Variants in TRAPPC8 observed in about 807,000 individuals in gnomAD.
TRAPPC8 encodes the protein trafficking protein particle complex subunit 8, also known as general sporulation gene 1 homolog.
TRAPPC8 carries 54 observed loss-of-function variants against 174.3 expected under a neutral mutation model. The observed-to-expected ratio is 0.31, with a 90% CI of 0.25 to 0.39. The LOEUF (loss-of-function observed/expected upper bound fraction) is 0.39. Ranked by LOEUF, TRAPPC8 falls within the 10% of genes least tolerant of loss-of-function variation. TRAPPC8 has a pLI of 1.00. For missense variants in TRAPPC8, 1,531 were observed against 1,699.1 expected (o/e 0.90, Z 1.74); for synonymous variants, 630 against 579.9 (o/e 1.09, Z -1.24).
At chr18:31,897,606 A>T (rs990722149) in intron 11 of TRAPPC8, among the ~76,000 whole-genome samples, 180 bp downstream of exon 11, 10 of 152,224 alleles carry the variant, frequency 6.6e-5, no homozygotes, top group African/African-American at 2.4e-4. Flanking sequence ...AACTTAATTT[A>T]TAAAAAATTA....
chr18:31,915,739 T>C lies in TRAPPC8; in HGVS notation c.617+533A>G, dbSNP rs573404835. Among the ~76,000 whole-genome samples the C allele has an allele frequency of 9.2e-5, 14 of 151,648 alleles. No individual in the cohort carries two copies. The East Asian group carries it at 2.7e-3, about 30-fold the overall frequency. ...CTCTACTAAAAAAAATACAAAAAAT[T>C]AGCCAGGTGCAGTGGCGGGCGCCTG... is the stretch of plus-strand genomic sequence containing the variant. On this transcript the variant is annotated intron_variant, in intron 4 of 28. Transcript: ENST00000283351.
At chr18:31,900,825 A>G (rs1334768881) in intron 10 of TRAPPC8, 100 bp downstream of exon 10, 6 of 869,068 alleles carry the variant, frequency 6.9e-6, no homozygotes, top group East Asian at 5.4e-5. Flanking sequence ...GTCTCCGACT[A>G]TATTAACTTG....
At chr18:31,928,079 C>T (rs2037694345) in intron 2 of TRAPPC8, among the ~76,000 whole-genome samples, 1 of 138,364 alleles carries the variant, frequency 7.2e-6, no homozygotes, top group African/African-American at 2.6e-5. Flanking sequence ...TCGTGTGAAC[C>T]CAGGGGGAAG....
At position 31,874,342 on chromosome 18, in the gene TRAPPC8, C is replaced by G. The variant is rs895984312; in HGVS notation, c.1953+138G>C. 1.0e-5 allele frequency: 9 copies of G among 880,128 alleles called. No individual in the cohort carries two copies. The African/African-American group carries it at 1.4e-4, about 13-fold the overall frequency. The allele number at this position is 880,128 out of a possible 1,614,324, so 54.5% of individuals were successfully genotyped here. On this transcript the variant is annotated intron_variant, in intron 13 of 28. Coordinates refer to ENST00000283351, the MANE Select transcript of TRAPPC8 (RefSeq NM_014939.5). Reference sequence around the variant, plus strand: ...GTAACCAAGATCTATAGCCAAAAAGCCTAGCCTGCCACAGCTTTTTTATGA... The same window carrying G: ...GTAACCAAGATCTATAGCCAAAAAGGCTAGCCTGCCACAGCTTTTTTATGA...
chr18:31,899,396 T>A (rs1343961572), intron 10 of TRAPPC8, among the ~76,000 whole-genome samples: 1 of 152,126 alleles, frequency 6.6e-6, no homozygotes, highest in African/African-American at 2.4e-5. Context: ...TCAAAAAATG[T>A]TTATTATTAT....
chr18:31,850,913 T>A lies in TRAPPC8; in HGVS notation c.3562-1174A>T, dbSNP rs568107242. Among the ~76,000 whole-genome samples the A allele has an allele frequency of 8.4e-4, 127 of 151,544 alleles. No individual in the cohort carries two copies. The South Asian group carries it at 0.013, about 16-fold the overall frequency. Reference sequence around the variant, plus strand: ...GATTTTAAAAGTTTTTAAAGAAATTTAAAAAAAAATAACTAAAGTCCTGAA... The same window carrying A: ...GATTTTAAAAGTTTTTAAAGAAATTAAAAAAAAAATAACTAAAGTCCTGAA... On this transcript the variant is annotated intron_variant, in intron 24 of 28. Coordinates refer to ENST00000283351, the MANE Select transcript of TRAPPC8 (RefSeq NM_014939.5).
chr18:31,852,381 C>G lies in TRAPPC8; in HGVS notation c.3561+65G>C. On this transcript the variant is annotated intron_variant, in intron 24 of 28. Coordinates refer to ENST00000283351, the MANE Select transcript of TRAPPC8 (RefSeq NM_014939.5). The stretch of plus-strand genomic sequence containing the variant: ...TGGGAATTACTGCGATAAGCCTTGC[C>G]AAAAATACCCAGATATGCTATAACT... 5 of 1,583,076 alleles carry G rather than the reference C, an allele frequency of 3.2e-6. No homozygotes were observed. In the South Asian group the frequency reaches 5.7e-5, roughly 18 times the overall value.
chr18:31,908,547 T>C lies in TRAPPC8; in HGVS notation c.1123-129A>G, dbSNP rs931469151. 135 of 867,992 alleles carry C rather than the reference T, an allele frequency of 1.6e-4. No individual in the cohort carries two copies. In the Middle Eastern group the frequency reaches 1.8e-3, roughly 12 times the overall value. 53.8% of individuals were successfully genotyped at this position (867,992 alleles called of 1,614,324 possible). A position where few individuals can be genotyped will look rare whatever the true frequency, so the allele number is the denominator to read the frequency against. On this transcript the variant is annotated intron_variant, in intron 7 of 28. Coordinates refer to ENST00000283351, the MANE Select transcript of TRAPPC8 (RefSeq NM_014939.5). ...AATAAAACTGATTTAAAGAAAACTG[T>C]CCAATATGCTGGCAAAATCCTATTG...
At chr18:31,832,257 T>C (rs2032418094) in intron 27 of TRAPPC8, 84 bp from the exon 28 acceptor site, 2 of 613,674 alleles carry the variant, frequency 3.3e-6, no homozygotes, top group East Asian at 7.5e-5. Context: ...TAAGACTATG[T>C]AACAGAGCAT....
At chr18:31,914,612 C>A (rs1211044884) in intron 4 of TRAPPC8, among the ~76,000 whole-genome samples, 1 of 152,140 alleles carries the variant, frequency 6.6e-6, no homozygotes, top group Non-Finnish European at 1.5e-5. Flanking sequence ...ACTGGATCTG[C>A]AGAGGAAAAT....
chr18:31,854,213 T>C (rs927395027), intron 21 of TRAPPC8, among the ~76,000 whole-genome samples: 3 of 152,196 alleles, frequency 2.0e-5, no homozygotes, highest in Admixed American at 1.3e-4. Context: ...TTAAAGCCTA[T>C]CACAATGAGC....
At chr18:31,831,955 T>TA in intron 28 of TRAPPC8, 129 bp downstream of exon 28, 1 of 567,960 alleles carries the variant, frequency 1.8e-6, no homozygotes, top group Non-Finnish European at 2.9e-6. Flanking sequence ...GTAAGCCTTC[T>TA]ATATTACCAA....
chr18:31,876,489 C>CAAAAAAAACAAAAAAAAAAAAAAAAA (rs2035153893), intron 12 of TRAPPC8, among the ~76,000 whole-genome samples: 1 of 48,722 alleles, frequency 2.1e-5, no homozygotes. Flanking sequence ...GACTCCATCT[C>CAAAAAAAACAAAAAAAAAAAAAAAAA]AAAAAAAAAA....
chr18:31,886,094 C>A (rs1309302928), intron 12 of TRAPPC8, among the ~76,000 whole-genome samples: 5 of 151,028 alleles, frequency 3.3e-5, no homozygotes, highest in Non-Finnish European at 7.4e-5. Context: ...CAACCTCCAC[C>A]TCCCGGGTTC....
intron 9 of TRAPPC8, among the ~76,000 whole-genome samples, chr18:31,902,694 TCTCCACTTTGCACAG>T (rs2145439332): frequency 6.6e-6 from 1 of 152,234 alleles, no homozygotes; most frequent in African/African-American, 2.4e-5. Flanking sequence ...GGGGAGTCAG[TCTCCACTTTGCACAG>T]CTGGGGCTTT....
In TRAPPC8 at chr18:31,920,767, G is replaced by A. The variant is rs531267696; in HGVS notation, c.353-3100C>T. Among the ~76,000 whole-genome samples, 6 of 151,800 alleles carry A rather than the reference G, an allele frequency of 4.0e-5. No individual in the cohort carries two copies. The East Asian group carries it at 5.8e-4, about 15-fold the overall frequency. On this transcript the variant is annotated intron_variant, in intron 2 of 28. Coordinates refer to ENST00000283351, the MANE Select transcript of TRAPPC8 (RefSeq NM_014939.5). ...TCAGCCTCGACCAACATGGTAGAAC[G>A]CTGTCTCTACTAAAAATGCAAAAAT...
chr18:31,886,539 G>C (rs1390052271), intron 12 of TRAPPC8, among the ~76,000 whole-genome samples: 1 of 152,056 alleles, frequency 6.6e-6, no homozygotes, highest in South Asian at 2.1e-4. Flanking sequence ...GTTTGAGTCA[G>C]CTTTTTATAG....
At chr18:31,844,737 A>AAAAG (rs754951772) in intron 26 of TRAPPC8, 2 of 151,524 alleles carry the variant, frequency 1.3e-5, no homozygotes, top group South Asian at 4.1e-4. Flanking sequence ...AAAAGAAAAG[A>AAAAG]AAAGAAAGAA....
chr18:31,888,295 A>C (rs1598677054), intron 12 of TRAPPC8, among the ~76,000 whole-genome samples: 1 of 152,196 alleles, frequency 6.6e-6, no homozygotes, highest in Non-Finnish European at 1.5e-5. Flanking sequence ...GCACTCTGGG[A>C]GGCTGAGGAA....
Sources: gnomAD v4.1 joint callset for allele counts (sites outside exome capture counted in the v4.1 genomes callset) on GRCh38, gnomAD v4.1.1 for gene constraint, MANE v1.5 for transcripts, NCBI Gene and HGNC (gene_info 2026-07-23, HGNC 2026-07-21) for gene names.